Variants in PCLO observed in about 807,000 individuals in gnomAD.
PCLO encodes piccolo presynaptic cytomatrix protein.
PCLO carries 82 observed loss-of-function variants against 427.5 expected under a neutral mutation model. That is an observed-to-expected ratio of 0.19 (90% CI 0.16 to 0.23). The LOEUF (loss-of-function observed/expected upper bound fraction) is 0.23. PCLO is among the 10% of genes least tolerant of loss of function. The probability of loss-of-function intolerance (pLI) is 1.00; values close to 1 mark genes in which losing one functional copy is unlikely to be tolerated. For missense variants in PCLO, 6,239 were observed against 6,115.9 expected (o/e 1.02, Z -0.67); for synonymous variants, 2,357 against 2,155.4 (o/e 1.09, Z -2.59).
At chr7:82,862,980 T>G (rs1237316109) in intron 10 of PCLO, among the ~76,000 whole-genome samples, 2 of 151,950 alleles carry the variant, frequency 1.3e-5, no homozygotes, top group African/African-American at 4.8e-5. Flanking sequence ...AATTGTACAT[T>G]TCAAAATAAC....
chr7:82,858,462 G>C, intron 10 of PCLO, among the ~76,000 whole-genome samples: 1 of 152,020 alleles, frequency 6.6e-6, no homozygotes, highest in South Asian at 2.1e-4. Context: ...AGAGCATTGG[G>C]AAAGAAAAAG....
At chr7:82,867,623 G>A (rs540700215) in intron 10 of PCLO, among the ~76,000 whole-genome samples, 31 of 152,228 alleles carry the variant, frequency 2.0e-4, no homozygotes, top group African/African-American at 7.5e-4. Context: ...AGACAAATCC[G>A]GAAATCTAAC....
chr7:82,982,965 C>A (rs1270797511), intron 3 of PCLO, among the ~76,000 whole-genome samples: 2 of 151,246 alleles, frequency 1.3e-5, no homozygotes, highest in Non-Finnish European at 3.0e-5. Context: ...TTTTAATTTT[C>A]TCACCTGTGA....
intron 3 of PCLO, among the ~76,000 whole-genome samples, chr7:82,993,628 A>T (rs41577): frequency 0.77 from 117,318 of 151,904 alleles, 45,451 homozygotes; most frequent in East Asian, 0.92. Context: ...TTAGTCATCA[A>T]AATGTGATTG....
rs1382986769 is a variant in PCLO, at chr7:82,955,091, A to G, written c.5862T>C (p.Asp1954=). 2 of 1,613,710 alleles carry G rather than the reference A, an allele frequency of 1.2e-6. No individual in the cohort carries two copies. The highest frequency in any genetic ancestry group is 1.7e-6 in the Non-Finnish European group (2 of 1,179,838). Residue 1954 remains aspartate (D), a synonymous_variant, in exon 5 of 25, where the codon GAT becomes GAC. Transcript: ENST00000333891. ...EPLYGGMLIE[D]YIYESLVEDT... is the part of the protein sequence containing the mutation. ...CTTCTACTAAAGATTCATAAATATA[A>G]TCCTCTATTAGCATCCCACCATACA... is the stretch of plus-strand genomic sequence containing the variant.
At chr7:82,998,897 G>C (rs994148667) in intron 3 of PCLO, among the ~76,000 whole-genome samples, 3 of 151,594 alleles carry the variant, frequency 2.0e-5, no homozygotes, top group African/African-American at 7.3e-5. Context: ...TTTAAAACAA[G>C]TATAATTAAT....
Position 83,156,351 on chromosome 7 carries a change from C to T in PCLO, c.290G>A (p.Gly97Glu). 1 of 1,610,804 alleles carries T rather than the reference C, an allele frequency of 6.2e-7. No homozygotes were observed. Among genetic ancestry groups the T allele is most frequent in the Middle Eastern group, 1.7e-4 (1 of 6,036 alleles). ...LDSSHPPKQS[G>E]RPPDPGRPAQ... Reference sequence around the variant, plus strand: ...TGGACGCCCAGGGTCCGGGGGTCTTCCTGATTGCTTTGGAGGATGACTACT... The same window carrying T: ...TGGACGCCCAGGGTCCGGGGGTCTTTCTGATTGCTTTGGAGGATGACTACT... The change falls in exon 2 of 25, where the codon GGA (glycine) becomes GAA (glutamate). Residue 97 changes from glycine to glutamate, a missense_variant. Physicochemically the swap from Gly to Glu is moderately conservative, Grantham distance 98 (BLOSUM62 -2). Coordinates refer to ENST00000333891, the MANE Select transcript of PCLO (RefSeq NM_033026.6).
intron 3 of PCLO, among the ~76,000 whole-genome samples, chr7:83,000,235 C>T (rs1315044319): frequency 6.9e-6 from 1 of 145,094 alleles, no homozygotes; most frequent in African/African-American, 2.5e-5. Context: ...ACCATGGAAG[C>T]AGGAAAAGAG....
At chr7:82,937,331 C>G (rs983865595) in intron 6 of PCLO, among the ~76,000 whole-genome samples, 3 of 148,820 alleles carry the variant, frequency 2.0e-5, no homozygotes, top group African/African-American at 7.4e-5. Context: ...AACATCCACA[C>G]TACAGTTTTT....
In PCLO at chr7:83,135,008, G is replaced by A. The variant is rs1461609687; in HGVS notation, c.2542C>T (p.Pro848Ser). 1.2e-6 allele frequency: 2 copies of A among 1,613,584 alleles called. No homozygotes were observed. The highest frequency in any genetic ancestry group is 1.7e-5 in the Admixed American group (1 of 59,958). ...SESKGQKQVDPVQKKEEPKKA... is the reference protein window; with the variant it reads ...SESKGQKQVDSVQKKEEPKKA... ...TTGGGTTCTTCCTTCTTTTGTACGG[G>A]GTCAACTTGTTTTTGACCTTTGCTC... The change falls in exon 3 of 25, where the codon CCC (proline) becomes TCC (serine). Residue 848 changes from proline to serine, a missense_variant. Around this residue, in one of 5 missense-constraint regions of PCLO, gnomAD observed 4,677 missense variants for 4,468.4 expected, o/e 1.05. Coordinates refer to ENST00000333891, the MANE Select transcript of PCLO (RefSeq NM_033026.6).
Position 82,915,452 on chromosome 7 carries a change from T to C in PCLO, c.12534A>G (p.Gln4178=). Residue 4178 remains glutamine (Q), a synonymous_variant, in exon 7 of 25, where the codon CAA becomes CAG. Coordinates refer to ENST00000333891, the MANE Select transcript of PCLO (RefSeq NM_033026.6). ...RLTLEKQAAK[Q]LPAAILYQKQ... Reference sequence around the variant, plus strand: ...TTTGATAAAGTATGGCTGCTGGCAGTTGTTTTGCTGCTTGTTTTTCAAGTG... The same window carrying C: ...TTTGATAAAGTATGGCTGCTGGCAGCTGTTTTGCTGCTTGTTTTTCAAGTG... 1 of 1,613,620 alleles carries C rather than the reference T, an allele frequency of 6.2e-7. No homozygotes were observed. The highest frequency in any genetic ancestry group is 8.5e-7 in the Non-Finnish European group (1 of 1,179,728).
At chr7:82,795,375 A>G (rs1791203416) in intron 22 of PCLO, among the ~76,000 whole-genome samples, 1 of 152,170 alleles carries the variant, frequency 6.6e-6, no homozygotes, top group Non-Finnish European at 1.5e-5. Context: ...ATAAAACAAG[A>G]TTTTTAATTT....
chr7:83,028,666 A>G (rs1331065214), intron 3 of PCLO, among the ~76,000 whole-genome samples: 1 of 150,804 alleles, frequency 6.6e-6, no homozygotes, highest in Non-Finnish European at 1.5e-5. Flanking sequence ...CCTAAGCCAA[A>G]AGAACAAAGC....
At chr7:83,146,587 C>G (rs2116655526) in intron 2 of PCLO, among the ~76,000 whole-genome samples, 1 of 138,618 alleles carries the variant, frequency 7.2e-6, no homozygotes, top group South Asian at 2.5e-4. Context: ...GCTTACTGAT[C>G]CAATAAATAC....
At chr7:82,886,486 T>G (rs1406315640) in intron 9 of PCLO, among the ~76,000 whole-genome samples, 2 of 152,072 alleles carry the variant, frequency 1.3e-5, no homozygotes, top group Admixed American at 1.3e-4. Context: ...CTAACCACTA[T>G]TTTGGAGGGA....
intron 3 of PCLO, among the ~76,000 whole-genome samples, chr7:83,070,054 T>A (rs374603887): frequency 6.6e-6 from 1 of 151,994 alleles, no homozygotes; most frequent in Non-Finnish European, 1.5e-5. Context: ...ACTTCTGAGA[T>A]TAGGTTATAG....
intron 3 of PCLO, among the ~76,000 whole-genome samples, chr7:83,081,412 C>T (rs1176135243): frequency 6.6e-6 from 1 of 151,854 alleles, no homozygotes; most frequent in Non-Finnish European, 1.5e-5. Flanking sequence ...AGGTTAGACT[C>T]CAAATACCTT....
chr7:82,836,894 T>C (rs1284738622), intron 15 of PCLO, among the ~76,000 whole-genome samples: 1 of 152,138 alleles, frequency 6.6e-6, no homozygotes, highest in African/African-American at 2.4e-5. Flanking sequence ...CTTCATATAA[T>C]TAAAATGCTT....
intron 9 of PCLO, among the ~76,000 whole-genome samples, chr7:82,885,393 A>T (rs945128250): frequency 1.2e-4 from 18 of 152,180 alleles, no homozygotes; most frequent in African/African-American, 4.8e-5. Context: ...CCAGAAAGGG[A>T]TACAGCACAA....
Sources: allele counts gnomAD v4.1 joint callset (sites outside exome capture counted in the v4.1 genomes callset), GRCh38; gene constraint gnomAD v4.1.1; regional missense constraint gnomAD v4.1.1; transcripts MANE v1.5; gene names NCBI Gene and HGNC (gene_info 2026-07-23, HGNC 2026-07-21).